STOX1: variants seen among roughly 807,000 people sequenced by gnomAD.
The protein encoded by STOX1 is storkhead box 1, also known as storkhead-box protein 1.
STOX1 carries 57 observed loss-of-function variants against 74.8 expected under a neutral mutation model. The ratio of observed to expected loss-of-function variants is 0.76; its 90% CI spans 0.62 to 0.95. STOX1 has a LOEUF of 0.95. Ranked by LOEUF, STOX1 falls within the 40% of genes least tolerant of loss-of-function variation. The pLI, the probability that STOX1 is intolerant of heterozygous loss-of-function variation, is 0.00. For synonymous variants in STOX1, 375 were observed against 401.3 expected (o/e 0.93, Z 0.78); for missense variants, 1,010 against 1,117.0 (o/e 0.90, Z 1.37).
At chr10:68,834,236 TAG>T (rs1839485936) in intron 1 of STOX1, among the ~76,000 whole-genome samples, 1 of 152,148 alleles carries the variant, frequency 6.6e-6, no homozygotes, top group African/African-American at 2.4e-5. Flanking sequence ...TCTAGGAGTG[TAG>T]AGTGTAGTAT....
chr10:68,874,438 A>G (rs1240183045), intron 1 of STOX1, among the ~76,000 whole-genome samples: 3 of 152,102 alleles, frequency 2.0e-5, no homozygotes, highest in Non-Finnish European at 4.4e-5. Context: ...AAAATAGAAA[A>G]TCTTTAAATG....
chr10:68,847,178 T>C (rs1839875052), intron 1 of STOX1, among the ~76,000 whole-genome samples: 1 of 152,202 alleles, frequency 6.6e-6, no homozygotes, highest in African/African-American at 2.4e-5. Context: ...CTCATTTAAA[T>C]TCTCCAGAGG....
chr10:68,883,022 G>A (rs1460413522), intron 2 of STOX1, among the ~76,000 whole-genome samples: 2 of 152,130 alleles, frequency 1.3e-5, no homozygotes, highest in Non-Finnish European at 1.5e-5. Context: ...AGCCTCCCAA[G>A]TAGCTGGGAC....
intron 1 of STOX1, among the ~76,000 whole-genome samples, chr10:68,875,650 C>T (rs1840657124): frequency 6.6e-6 from 1 of 152,170 alleles, no homozygotes; most frequent in Non-Finnish European, 1.5e-5. Context: ...AAAGAAACCA[C>T]TTCTTTTTCC....
At chr10:68,863,478 T>C (rs941945972) in intron 1 of STOX1, among the ~76,000 whole-genome samples, 20 of 152,068 alleles carry the variant, frequency 1.3e-4, no homozygotes, top group Non-Finnish European at 2.2e-4. Context: ...TGGGCATCAC[T>C]GGATAATAGC....
chr10:68,890,450 A>C (rs1382461928), intron 3 of STOX1, among the ~76,000 whole-genome samples: 1 of 151,954 alleles, frequency 6.6e-6, no homozygotes, highest in Non-Finnish European at 1.5e-5. Flanking sequence ...GGCATGAGCC[A>C]CTGTGCCCAG....
intron 1 of STOX1, among the ~76,000 whole-genome samples, chr10:68,879,443 C>T (rs79590699): frequency 0.02 from 3,093 of 152,156 alleles, 103 homozygotes; most frequent in African/African-American, 0.07. Flanking sequence ...TAGCATCTTC[C>T]TCATTTGTAA....
At chr10:68,874,877 GGCAA>G (rs1736450219) in intron 1 of STOX1, among the ~76,000 whole-genome samples, 1 of 152,172 alleles carries the variant, frequency 6.6e-6, no homozygotes, top group African/African-American at 2.4e-5. Flanking sequence ...GAGTGGACAA[GGCAA>G]ACACAGAATT....
At chr10:68,873,638 C>T (rs369394507) in intron 1 of STOX1, among the ~76,000 whole-genome samples, 11 of 79,174 alleles carry the variant, frequency 1.4e-4, no homozygotes, top group South Asian at 4.1e-4. Flanking sequence ...TCTTCTTCTT[C>T]TTCTTTTTTT....
intron 1 of STOX1, among the ~76,000 whole-genome samples, chr10:68,845,799 A>G (rs939333729): frequency 2.0e-5 from 3 of 149,946 alleles, no homozygotes; most frequent in Admixed American, 6.7e-5. Flanking sequence ...ACGGGGCTTC[A>G]CCATCTTGGC....
intron 1 of STOX1, among the ~76,000 whole-genome samples, chr10:68,835,630 A>C (rs1213036254): frequency 1.3e-5 from 2 of 152,214 alleles, no homozygotes; most frequent in Non-Finnish European, 2.9e-5. Context: ...TGCTGGGATA[A>C]CAGGCATGAG....
intron 1 of STOX1, among the ~76,000 whole-genome samples, chr10:68,863,349 C>T (rs75757942): frequency 0.049 from 7,486 of 152,048 alleles, 240 homozygotes; most frequent in Middle Eastern, 0.1. Context: ...CTGGTTGTCC[C>T]GCCTTCCTCA....
At chr10:68,863,561 G>A (rs982760312) in intron 1 of STOX1, among the ~76,000 whole-genome samples, 6 of 152,110 alleles carry the variant, frequency 3.9e-5, no homozygotes, top group Non-Finnish European at 8.8e-5. Context: ...AATTGTGAAA[G>A]TGTCTAGCAT....
chr10:68,848,700 T>A (rs1367370323), intron 1 of STOX1, among the ~76,000 whole-genome samples: 1 of 152,186 alleles, frequency 6.6e-6, no homozygotes, highest in Non-Finnish European at 1.5e-5. Flanking sequence ...AGTCTCACTC[T>A]GTCTCCCAGG....
At chr10:68,859,674 T>C (rs553530079) in intron 1 of STOX1, among the ~76,000 whole-genome samples, 2 of 152,018 alleles carry the variant, frequency 1.3e-5, no homozygotes, top group East Asian at 3.9e-4. Context: ...TGGCTAGGTA[T>C]TTTGGTTAGA....
chr10:68,827,694 C>G lies in STOX1; in HGVS notation c.71C>G (p.Ala24Gly), dbSNP rs949932672. 1.1e-6 allele frequency: 1 copy of G among 948,832 alleles called. No individual in the cohort carries two copies. Among genetic ancestry groups the G allele is most frequent in the African/African-American group, 1.8e-5 (1 of 56,042 alleles). The allele number at this position is 948,832 out of a possible 1,614,324, so 58.8% of individuals were successfully genotyped here. A position where few individuals can be genotyped will look rare whatever the true frequency, so the allele number is the denominator to read the frequency against. Residue 24 changes from alanine (A) to glycine (G), a missense_variant, in exon 1 of 4, where the codon GCG becomes GGG. Coordinates refer to ENST00000298596, the MANE Select transcript of STOX1 (RefSeq NM_152709.5). ...LVLCRLEAQKAAGAAEEPGGR... is the reference protein window; with the variant it reads ...LVLCRLEAQKGAGAAEEPGGR... Reference sequence around the variant, plus strand: ...CTGTGCCGGCTGGAGGCGCAGAAGGCGGCGGGGGCCGCGGAGGAGCCTGGT... The same window carrying G: ...CTGTGCCGGCTGGAGGCGCAGAAGGGGGCGGGGGCCGCGGAGGAGCCTGGT...
At chr10:68,873,834 A>G (rs1458494145) in intron 1 of STOX1, among the ~76,000 whole-genome samples, 5 of 147,584 alleles carry the variant, frequency 3.4e-5, no homozygotes, top group Non-Finnish European at 6.0e-5. Flanking sequence ...TATTTTTAGT[A>G]GAGACTGGGT....
intron 1 of STOX1, among the ~76,000 whole-genome samples, chr10:68,829,308 G>T (rs1289132980): frequency 6.6e-6 from 1 of 152,152 alleles, no homozygotes; most frequent in Non-Finnish European, 1.5e-5. Flanking sequence ...AACCCCTCAG[G>T]AGTTCAAGAC....
intron 2 of STOX1, 35 bp downstream of exon 2, chr10:68,882,145 CTGTA>C: frequency 6.3e-7 from 1 of 1,595,058 alleles, no homozygotes; most frequent in Non-Finnish European, 8.6e-7. Flanking sequence ...TTGTACTTCA[CTGTA>C]TGTGTTTGGT....
Sources: gnomAD v4.1 joint callset for allele counts (sites outside exome capture counted in the v4.1 genomes callset) on GRCh38, gnomAD v4.1.1 for gene constraint, MANE v1.5 for transcripts, NCBI Gene and HGNC (gene_info 2026-07-23, HGNC 2026-07-21) for gene names.